CDH11: variants seen among roughly 807,000 people sequenced by gnomAD.
The protein encoded by CDH11 is cadherin-11.
CDH11 carries 11 observed loss-of-function variants against 67.8 expected under a neutral mutation model. The observed-to-expected ratio is 0.16, with a 90% CI of 0.10 to 0.27. The LOEUF is 0.27. Ranked by LOEUF, CDH11 falls within the 10% of genes least tolerant of loss-of-function variation. The pLI is 1.00. For missense variants in CDH11, 847 were observed against 1,031.2 expected, an observed-to-expected ratio of 0.82 and a Z score of 2.45; for synonymous variants, 419 against 400.0, an observed-to-expected ratio of 1.05 and a Z score of -0.57.
chr16:65,032,452 T>C (rs887354783), intron 2 of CDH11, among the ~76,000 whole-genome samples: 7 of 151,760 alleles, frequency 4.6e-5, no homozygotes, highest in South Asian at 4.2e-4. Flanking sequence ...ATTGCGCCAC[T>C]ACACTCCAGC....
chr16:65,039,542 C>T (rs566450935), intron 2 of CDH11, among the ~76,000 whole-genome samples: 17 of 152,288 alleles, frequency 1.1e-4, no homozygotes, highest in African/African-American at 3.9e-4. Flanking sequence ...CTTCCTTACA[C>T]CTTCTACAGA....
intron 2 of CDH11, among the ~76,000 whole-genome samples, chr16:65,015,275 T>A (rs577336116): frequency 2.4e-4 from 36 of 152,066 alleles, no homozygotes; most frequent in African/African-American, 8.0e-4. Flanking sequence ...ATATCAATTC[T>A]ACCATTTCTT....
chr16:64,944,991 TC>T lies in CDH11; in HGVS notation c.*2611del, dbSNP rs2071169734. On this transcript the variant is annotated 3_prime_UTR_variant, in exon 13 of 13. Coordinates refer to ENST00000268603, the MANE Select transcript of CDH11 (RefSeq NM_001797.4). The stretch of plus-strand genomic sequence containing the variant: ...AGGTAGTAAGATTCATTCTGAATCC[TC>T]CAGTAAGTGGAACAGGGTTTATAAA... 4.7e-6 allele frequency: 1 copy of T among 211,550 alleles called. No individual in the cohort carries two copies. Among genetic ancestry groups the T allele is most frequent in the Non-Finnish European group, 9.6e-6 (1 of 104,434 alleles). 13.1% of individuals were successfully genotyped at this position (211,550 alleles called of 1,614,324 possible).
chr16:65,013,020 C>T (rs1478826767), intron 2 of CDH11, among the ~76,000 whole-genome samples: 1 of 152,186 alleles, frequency 6.6e-6, no homozygotes, highest in Non-Finnish European at 1.5e-5. Flanking sequence ...CTAAGTATCT[C>T]CTTCTATAAA....
chr16:64,988,653 G>T (rs1391654725), intron 6 of CDH11, among the ~76,000 whole-genome samples: 1 of 152,092 alleles, frequency 6.6e-6, no homozygotes, highest in African/African-American at 2.4e-5. Flanking sequence ...GGAGAACCAT[G>T]CATGTCTTCA....
upstream of CDH11, among the ~76,000 whole-genome samples, chr16:65,122,537 T>C (rs2075352953): frequency 6.6e-6 from 1 of 152,124 alleles, no homozygotes; most frequent in Admixed American, 6.5e-5. Context: ...GAAGGTATCG[T>C]CCAAGTGAGG....
In CDH11 at chr16:65,001,773, C is replaced by CA. The variant is rs1359675857; in HGVS notation, c.228+2868dup. Among the ~76,000 whole-genome samples, 3 of 150,136 alleles carry CA rather than the reference C, an allele frequency of 2.0e-5. No individual in the cohort carries two copies. The South Asian group carries it at 6.3e-4, about 32-fold the overall frequency. ...ACTGACATGGATACTTACTAGGCTCCACACACACACAGACACACACACACA... is the reference window on the plus strand; with the variant it reads ...ACTGACATGGATACTTACTAGGCTCCAACACACACACAGACACACACACACA... On this transcript the variant is annotated intron_variant, in intron 3 of 12. Coordinates refer to ENST00000268603, the MANE Select transcript of CDH11 (RefSeq NM_001797.4).
intron 1 of CDH11, among the ~76,000 whole-genome samples, chr16:65,089,081 T>G (rs1261237618): frequency 1.3e-5 from 2 of 152,204 alleles, no homozygotes; most frequent in African/African-American, 4.8e-5. Context: ...GAGGTCATCT[T>G]CTTGTCAGCT....
rs1185701240 is a variant in CDH11 at position 65,113,288 on chromosome 16, A to G, written c.-298+8592T>C. Among the ~76,000 whole-genome samples the G allele has an allele frequency of 5.3e-5, 3 of 56,480 alleles. No individual in the cohort carries two copies. The Admixed American group carries it at 6.5e-4, about 12-fold the overall frequency. 37.1% of individuals were successfully genotyped at this position (56,480 alleles called of 152,430 possible). A position where few individuals can be genotyped will look rare whatever the true frequency, so the allele number is the denominator to read the frequency against. ...GCAACAGAGCAAGATTCCATCTCAG[A>G]AAAAAAAAAAAAAAGACTTTTGTTT... On this transcript the variant is annotated intron_variant, in intron 1 of 12. Coordinates refer to ENST00000268603, the MANE Select transcript of CDH11 (RefSeq NM_001797.4).
In CDH11 at chr16:64,947,736, C is replaced by T; in HGVS notation, c.2258G>A (p.Gly753Glu). 3 of 1,614,090 alleles carry T rather than the reference C, an allele frequency of 1.9e-6. No homozygotes were observed. The highest frequency in any genetic ancestry group is 2.5e-6 in the Non-Finnish European group (3 of 1,179,974). Residue 753 changes from glycine (G) to glutamate (E), a missense_variant, in exon 13 of 13, where the codon GGG (glycine) becomes GAG (glutamate). Coordinates refer to ENST00000268603, the MANE Select transcript of CDH11 (RefSeq NM_001797.4). ...YGYEGRGSVA[G>E]SLSSLESATT... ...GGCCGACTCTAGGGAGCTCAGGGAC[C>T]CGGCCACTGAGCCCCTGCCTTCATA...
At chr16:64,997,385 TA>T (rs74374709) in intron 4 of CDH11, among the ~76,000 whole-genome samples, 4,272 of 94,014 alleles carry the variant, frequency 0.045, 155 homozygotes, top group African/African-American at 0.13. Flanking sequence ...AAGTTGAAAC[TA>T]AAAAAAAAAA....
At chr16:65,001,785 G>GAC (rs949925806) in intron 3 of CDH11, among the ~76,000 whole-genome samples, 8 of 145,474 alleles carry the variant, frequency 5.5e-5, no homozygotes, top group Non-Finnish European at 9.0e-5. Context: ...CACACACACA[G>GAC]ACACACACAC....
At chr16:65,038,022 G>T (rs535009048) in intron 2 of CDH11, among the ~76,000 whole-genome samples, 16 of 152,044 alleles carry the variant, frequency 1.1e-4, no homozygotes, top group African/African-American at 3.6e-4. Context: ...AAAAAGAATT[G>T]TTCTTTTAAT....
chr16:65,112,069 C>CAAAAAAAAA (rs35671651), intron 1 of CDH11, among the ~76,000 whole-genome samples: 1 of 91,286 alleles, frequency 1.1e-5, no homozygotes. Context: ...GACTCTGTCT[C>CAAAAAAAAA]AAAAAAAAAA....
chr16:65,025,914 G>A (rs944236995), intron 2 of CDH11, among the ~76,000 whole-genome samples: 8 of 152,104 alleles, frequency 5.3e-5, no homozygotes, highest in Non-Finnish European at 1.0e-4. Flanking sequence ...GTGGGGAGAG[G>A]AGGGATAGCT....
chr16:64,978,164 G>A (rs1187682451), intron 8 of CDH11, among the ~76,000 whole-genome samples: 3 of 152,122 alleles, frequency 2.0e-5, no homozygotes, highest in South Asian at 2.1e-4. Context: ...CTTCTATCAC[G>A]CCTCCTGTTT....
chr16:65,049,692 T>G (rs1007816026), intron 2 of CDH11, among the ~76,000 whole-genome samples: 1 of 152,176 alleles, frequency 6.6e-6, no homozygotes. Context: ...ACCTACCACA[T>G]AAGGGCTTCA....
intron 1 of CDH11, among the ~76,000 whole-genome samples, chr16:65,065,595 G>A (rs2074300441): frequency 6.6e-6 from 1 of 152,176 alleles, no homozygotes; most frequent in Non-Finnish European, 1.5e-5. Flanking sequence ...GGTTCCCACA[G>A]AGACAACCCT....
intron 2 of CDH11, among the ~76,000 whole-genome samples, chr16:65,028,245 GTTCC>G (rs1351386838): frequency 6.6e-6 from 1 of 152,126 alleles, no homozygotes; most frequent in Non-Finnish European, 1.5e-5. Context: ...GGGCTTTGAA[GTTCC>G]ACCTAAGGCA....
Sources: gnomAD v4.1 joint callset for allele counts (sites outside exome capture counted in the v4.1 genomes callset) on GRCh38, gnomAD v4.1.1 for gene constraint, MANE v1.5 for transcripts, NCBI Gene and HGNC (gene_info 2026-07-23, HGNC 2026-07-21) for gene names.